Variants in PCDHGA7 observed in about 807,000 individuals in gnomAD.
PCDHGA7 encodes the protein protocadherin gamma subfamily A, 7.
A neutral mutation model predicts 58.3 loss-of-function variants in PCDHGA7; 44 were observed. That is an observed-to-expected ratio of 0.75 (90% CI 0.59 to 0.97). The LOEUF (loss-of-function observed/expected upper bound fraction) is 0.97, where lower values mean the gene tolerates loss of function less well. Ranked by LOEUF, PCDHGA7 falls within the 50% of genes least tolerant of loss-of-function variation. The pLI is 0.00. For synonymous variants in PCDHGA7, 516 were observed against 504.2 expected, an observed-to-expected ratio of 1.02 and a Z score of -0.31; for missense variants, 1,266 against 1,188.7, an observed-to-expected ratio of 1.06 and a Z score of -0.96.
At chr5:141,450,190 G>A (rs1368992094) in intron 1 of PCDHGA7, among the ~76,000 whole-genome samples, 1 of 151,588 alleles carries the variant, frequency 6.6e-6, no homozygotes, top group African/African-American at 2.4e-5. Flanking sequence ...GCTAATTTTT[G>A]TATTTTTAGT....
intron 1 of PCDHGA7, chr5:141,414,450 A>C (rs759840643): frequency 9.3e-6 from 15 of 1,613,772 alleles, no homozygotes. Context: ...ACAATATCAC[A>C]GTGACAGCCA....
chr5:141,463,438 CTTTTTTT>C (rs71576115), intron 1 of PCDHGA7, among the ~76,000 whole-genome samples: 1 of 103,252 alleles, frequency 9.7e-6, no homozygotes, highest in Non-Finnish European at 1.9e-5. Flanking sequence ...TTTCCTTCTC[CTTTTTTT>C]TTTTTTTTTT....
At position 141,511,181 on chromosome 5, in the gene PCDHGA7, G is replaced by A. The variant is rs1301391138; in HGVS notation, c.*8G>A. On this transcript the variant is annotated 3_prime_UTR_variant, in exon 4 of 4. Transcript: ENST00000518325. Reference sequence around the variant, plus strand: ...AAGAAGGAGAAGAAGTAACATGGAGGCCAGGCCAAGAGCCACAGGGCGGCC... The same window carrying A: ...AAGAAGGAGAAGAAGTAACATGGAGACCAGGCCAAGAGCCACAGGGCGGCC... 6.2e-7 allele frequency: 1 copy of A among 1,614,016 alleles called. No homozygotes were observed. The highest frequency in any genetic ancestry group is 1.7e-5 in the Admixed American group (1 of 60,016).
At position 141,491,692 on chromosome 5, in the gene PCDHGA7, C is replaced by A. The variant is rs749349869; in HGVS notation, c.2425-3115C>A. The A allele has an allele frequency of 6.2e-7, 1 of 1,612,592 alleles. No homozygotes were observed. Among genetic ancestry groups the A allele is most frequent in the Non-Finnish European group, 8.5e-7 (1 of 1,179,338 alleles). On this transcript the variant is annotated intron_variant, in intron 1 of 3. Coordinates refer to ENST00000518325, the MANE Select transcript of PCDHGA7 (RefSeq NM_018920.4). This position sits in a 1 kb window ranked among gnomAD's most constrained non-coding sequence, Gnocchi z 6.9. ...GTCCCGCTCTAATACGCTGCGGGAG[C>A]GGAGCCAGGTGAGGGGCTCGGCGCC...
In PCDHGA7 at chr5:141,400,505, C is replaced by T. The variant is rs759107285; in HGVS notation, c.2424+15182C>T. The stretch of plus-strand genomic sequence containing the variant: ...TTTCCACTTTGTAATTCCAGCGAGT[C>T]GACTTCCCATCCTGAGTTGGTGAGT... On this transcript the variant is annotated intron_variant, in intron 1 of 3. Transcript: ENST00000518325. 9 of 1,613,816 alleles carry T rather than the reference C, an allele frequency of 5.6e-6. No homozygotes were observed. In the African/African-American group the frequency reaches 6.7e-5, roughly 12 times the overall value.
chr5:141,401,272 G>A (rs998700154), intron 1 of PCDHGA7, among the ~76,000 whole-genome samples: 1 of 152,172 alleles, frequency 6.6e-6, no homozygotes. Flanking sequence ...AACCTGGCAG[G>A]TGGAGGTTGC....
chr5:141,390,295 A>G (rs1371103397), intron 1 of PCDHGA7: 2 of 1,613,930 alleles, frequency 1.2e-6, no homozygotes, highest in South Asian at 2.2e-5. Flanking sequence ...AGTTTCCTTT[A>G]AGTATAATTT....
At chr5:141,409,769 G>T (rs1413636372) in intron 1 of PCDHGA7, 3 of 1,612,776 alleles carry the variant, frequency 1.9e-6, no homozygotes, top group Middle Eastern at 1.7e-4. Flanking sequence ...CTTTGATCAC[G>T]AGCAGCTGCG....
intron 1 of PCDHGA7, among the ~76,000 whole-genome samples, chr5:141,473,343 T>C (rs1309426537): frequency 6.6e-6 from 1 of 152,218 alleles, no homozygotes; most frequent in Non-Finnish European, 1.5e-5. Flanking sequence ...TGCTAGACAG[T>C]GAGGATGCAA....
At chr5:141,441,718 C>A in intron 1 of PCDHGA7, 1 of 344,940 alleles carries the variant, frequency 2.9e-6, no homozygotes, top group Non-Finnish European at 5.7e-6. Flanking sequence ...ACGCTGCAGG[C>A]CCGCGACCAG....
In PCDHGA7 at chr5:141,477,532, C is replaced by T. The variant is rs754570150; in HGVS notation, c.2425-17275C>T. On this transcript the variant is annotated intron_variant, in intron 1 of 3. Transcript: ENST00000518325. This position sits in a 1 kb window ranked among gnomAD's most constrained non-coding sequence, Gnocchi z 4.9. ...TTTACATTGAAGAAAACAACCTCCC[C>T]GGGGCTCCAATACTAAACCTAAGTG... 2.5e-6 allele frequency: 4 copies of T among 1,614,028 alleles called. No individual in the cohort carries two copies. Among genetic ancestry groups the T allele is most frequent in the Admixed American group, 1.7e-5 (1 of 60,000 alleles).
chr5:141,383,821 G>T lies in PCDHGA7; in HGVS notation c.922G>T (p.Asp308Tyr). Residue 308 changes from aspartate to tyrosine, a missense_variant, in exon 1 of 4, where the codon GAT becomes TAT. Asp to Tyr is a radical substitution (Grantham distance 160). Transcript: ENST00000518325. ...AGAAATATCAACTTTAGAAGGATTA[G>T]ATTATGAAGAAACTGCCTTCTATGA... Reference protein sequence around the residue: ...TGEISTLEGLDYEETAFYEME... With the variant: ...TGEISTLEGLYYEETAFYEME... The T allele has an allele frequency of 1.2e-6, 2 of 1,613,922 alleles. No homozygotes were observed. Among genetic ancestry groups the T allele is most frequent in the Non-Finnish European group, 1.7e-6 (2 of 1,179,840 alleles).
At chr5:141,447,797 T>C (rs536848880) in intron 1 of PCDHGA7, among the ~76,000 whole-genome samples, 16 of 152,022 alleles carry the variant, frequency 1.1e-4, no homozygotes, top group Admixed American at 7.9e-4. Context: ...TTTAAGAAAA[T>C]AAAATTGGCT....
chr5:141,491,168 A>G lies in PCDHGA7; in HGVS notation c.2425-3639A>G. On this transcript the variant is annotated intron_variant, in intron 1 of 3. Coordinates refer to ENST00000518325, the MANE Select transcript of PCDHGA7 (RefSeq NM_018920.4). The surrounding 1 kb of genome is among the most constrained non-coding windows in gnomAD (Gnocchi z 6.9). Reference sequence around the variant, plus strand: ...CTGGAGGATGACTCTGACACCCAGCAGGTGGTGGTCCTGGTGAGGGACAAT... The same window carrying G: ...CTGGAGGATGACTCTGACACCCAGCGGGTGGTGGTCCTGGTGAGGGACAAT... 2 of 1,614,160 alleles carry G rather than the reference A, an allele frequency of 1.2e-6. No homozygotes were observed.
At chr5:141,494,733 C>G in intron 1 of PCDHGA7, 74 bp from the exon 2 acceptor site, 1 of 1,610,826 alleles carries the variant, frequency 6.2e-7, no homozygotes, top group South Asian at 1.1e-5. Flanking sequence ...CTCTCCCGGC[C>G]CATCCCTAGG....
At chr5:141,413,234 T>C (rs2095618811) in intron 1 of PCDHGA7, 2 of 1,613,838 alleles carry the variant, frequency 1.2e-6, no homozygotes, top group Non-Finnish European at 1.7e-6. Context: ...CTGGTCCTGC[T>C]CTGCCTTTTC....
chr5:141,392,841 C>T (rs1464167244), intron 1 of PCDHGA7: 3 of 1,608,800 alleles, frequency 1.9e-6, no homozygotes, highest in Non-Finnish European at 8.5e-7. Flanking sequence ...TCGCCCCAGA[C>T]GCGGCGAGCT....
chr5:141,393,427 A>G (rs2092758301), intron 1 of PCDHGA7: 2 of 1,613,922 alleles, frequency 1.2e-6, no homozygotes, highest in Admixed American at 3.3e-5. Flanking sequence ...AGGGAGGAAG[A>G]GGCTGCTCAC....
intron 1 of PCDHGA7, among the ~76,000 whole-genome samples, chr5:141,456,907 G>A (rs1430292511): frequency 6.6e-6 from 1 of 152,108 alleles, no homozygotes; most frequent in Non-Finnish European, 1.5e-5. Flanking sequence ...AGGTTGCAGT[G>A]AGCCGAGATC....
Sources: allele counts gnomAD v4.1 joint callset (sites outside exome capture counted in the v4.1 genomes callset), GRCh38; gene constraint gnomAD v4.1.1; non-coding constraint Gnocchi (gnomAD v3.1); transcripts MANE v1.5; gene names NCBI Gene and HGNC (gene_info 2026-07-23, HGNC 2026-07-21).